The following PARP8 variants were observed in gnomAD, a reference collection of about 807,000 sequenced individuals.
PARP8 encodes the protein protein mono-ADP-ribosyltransferase PARP8.
PARP8 carries 51 observed loss-of-function variants against 124.1 expected under a neutral mutation model. The ratio of observed to expected loss-of-function variants is 0.41; its 90% CI spans 0.33 to 0.52. The LOEUF (loss-of-function observed/expected upper bound fraction) is 0.52. Ranked by LOEUF, PARP8 falls within the 20% of genes least tolerant of loss-of-function variation. The pLI is 0.21. For synonymous variants in PARP8, 391 were observed against 361.5 expected, an observed-to-expected ratio of 1.08 and a Z score of -0.93; for missense variants, 860 against 1,018.9, an observed-to-expected ratio of 0.84 and a Z score of 2.12.
chr5:50,695,966 A>G (rs1261771975), intron 2 of PARP8, among the ~76,000 whole-genome samples: 3 of 152,292 alleles, frequency 2.0e-5, no homozygotes, highest in African/African-American at 7.2e-5. Context: ...GGTGAAAGAA[A>G]TATATGCTCT....
chr5:50,769,704 A>G (rs531679697), intron 7 of PARP8, among the ~76,000 whole-genome samples: 1 of 151,740 alleles, frequency 6.6e-6, no homozygotes, highest in African/African-American at 2.4e-5. Context: ...GCAATATGGG[A>G]AAAACAGCTG....
At chr5:50,688,660 T>G (rs2149456538) in intron 2 of PARP8, among the ~76,000 whole-genome samples, 1 of 152,332 alleles carries the variant, frequency 6.6e-6, no homozygotes, top group East Asian at 1.9e-4. Context: ...AATTCTCATC[T>G]TTATATAGGA....
At chr5:50,687,249 G>A (rs1228768211) in intron 2 of PARP8, among the ~76,000 whole-genome samples, 1 of 152,042 alleles carries the variant, frequency 6.6e-6, no homozygotes, top group Non-Finnish European at 1.5e-5. Context: ...TTTAGGGCAG[G>A]GGCAAAATGC....
At chr5:50,811,239 C>T (rs1561414835) in intron 14 of PARP8, among the ~76,000 whole-genome samples, 2 of 152,002 alleles carry the variant, frequency 1.3e-5, no homozygotes, top group Non-Finnish European at 2.9e-5. Context: ...AGTCAGTTGA[C>T]AAGTCAATAA....
At chr5:50,840,650 T>C (rs1748081014) in intron 25 of PARP8, among the ~76,000 whole-genome samples, 1 of 151,830 alleles carries the variant, frequency 6.6e-6, no homozygotes, top group African/African-American at 2.4e-5. Context: ...GCTGAAATCA[T>C]TGATTTTGCA....
At position 50,709,730 on chromosome 5, in the gene PARP8, A is replaced by C. The variant is rs1580049458; in HGVS notation, c.147-40421A>C. ...TCCACAAAAAAATGCCAGTGTTATT[A>C]AGCCCTGGTACTGTTGCAAAAATAT... is the stretch of plus-strand genomic sequence containing the variant. On this transcript the variant is annotated intron_variant, in intron 2 of 25. Transcript: ENST00000281631. Among the ~76,000 whole-genome samples the C allele has an allele frequency of 5.9e-5, 9 of 151,874 alleles. No individual in the cohort carries two copies. The South Asian group carries it at 1.7e-3, about 28-fold the overall frequency.
At chr5:50,820,146 T>C (rs1745595461) in intron 15 of PARP8, among the ~76,000 whole-genome samples, 1 of 152,182 alleles carries the variant, frequency 6.6e-6, no homozygotes, top group Non-Finnish European at 1.5e-5. Context: ...GATGCTATGA[T>C]TGGGTGGGTG....
intron 2 of PARP8, among the ~76,000 whole-genome samples, chr5:50,718,427 A>G (rs1248303625): frequency 2.0e-5 from 3 of 151,824 alleles, no homozygotes; most frequent in South Asian, 2.1e-4. Flanking sequence ...ATATGTACAC[A>G]TATGTGTGTG....
intron 2 of PARP8, among the ~76,000 whole-genome samples, chr5:50,706,485 A>G (rs1754159817): frequency 6.6e-6 from 1 of 152,132 alleles, no homozygotes; most frequent in Non-Finnish European, 1.5e-5. Context: ...AGGATTGTTA[A>G]TATCAGAAAC....
At chr5:50,734,451 A>G (rs1757287840) in intron 2 of PARP8, among the ~76,000 whole-genome samples, 1 of 152,164 alleles carries the variant, frequency 6.6e-6, no homozygotes, top group Admixed American at 6.5e-5. Flanking sequence ...CATGATAATC[A>G]TATATTTAGT....
At chr5:50,750,426 T>C (rs183714654) in intron 3 of PARP8, among the ~76,000 whole-genome samples, 118 of 152,182 alleles carry the variant, frequency 7.8e-4, no homozygotes, top group African/African-American at 2.8e-3. Context: ...CTATGATAGT[T>C]CCAGCCTGTG....
At chr5:50,738,510 A>G (rs1038926412) in intron 2 of PARP8, among the ~76,000 whole-genome samples, 2 of 152,186 alleles carry the variant, frequency 1.3e-5, no homozygotes, top group African/African-American at 4.8e-5. Flanking sequence ...TTTTAATGCA[A>G]ATAGCTTATA....
intron 2 of PARP8, 118 bp from the exon 3 acceptor site, chr5:50,750,033 G>A (rs1759054119): frequency 1.3e-6 from 1 of 783,470 alleles, no homozygotes. Flanking sequence ...GAAGTTTCCT[G>A]TTTATACTTA....
At chr5:50,684,380 T>G (rs1751623265) in intron 2 of PARP8, among the ~76,000 whole-genome samples, 1 of 152,044 alleles carries the variant, frequency 6.6e-6, no homozygotes, top group Non-Finnish European at 1.5e-5. Flanking sequence ...GCTGATTATA[T>G]AAAACAATAA....
chr5:50,754,150 T>TACACACACACACAC (rs1253764538), intron 3 of PARP8, among the ~76,000 whole-genome samples: 9 of 37,162 alleles, frequency 2.4e-4, no homozygotes, highest in African/African-American at 1.1e-3. Context: ...TATATATATA[T>TACACACACACACAC]ACACACACAC....
intron 2 of PARP8, among the ~76,000 whole-genome samples, chr5:50,749,784 C>CT (rs747140590): frequency 6.6e-6 from 1 of 151,850 alleles, no homozygotes; most frequent in Non-Finnish European, 1.5e-5. Flanking sequence ...AAGAGAAATA[C>CT]TTTTTTGGTA....
rs70972943 is a variant in PARP8, at chr5:50,747,761, C to CTTT, written c.147-2363_147-2361dup. Among the ~76,000 whole-genome samples, 48 of 52,934 alleles carry CTTT rather than the reference C, an allele frequency of 9.1e-4. 14 individuals carry two copies. The highest frequency in any genetic ancestry group is 1.2e-3 in the Non-Finnish European group (26 of 22,496). 34.7% of individuals were successfully genotyped at this position (52,934 alleles called of 152,430 possible). On this transcript the variant is annotated intron_variant, in intron 2 of 25. Transcript: ENST00000281631. ...TCTCTCAAAGATAGGATAGACCTTG[C>CTTT]TTTTTTTTTTTTTTTTTTTTTTTTT... is the stretch of plus-strand genomic sequence containing the variant.
intron 7 of PARP8, among the ~76,000 whole-genome samples, chr5:50,773,742 C>A (rs1761865588): frequency 6.6e-6 from 1 of 151,736 alleles, no homozygotes; most frequent in South Asian, 2.1e-4. Flanking sequence ...GTTGCTTTGG[C>A]TGGAGTATGG....
At chr5:50,791,434 T>TA (rs1741943495) in intron 10 of PARP8, among the ~76,000 whole-genome samples, 1 of 152,172 alleles carries the variant, frequency 6.6e-6, no homozygotes, top group South Asian at 2.1e-4. Context: ...AATCAGTACT[T>TA]ACAACGCATA....
Sources: allele counts gnomAD v4.1 joint callset (sites outside exome capture counted in the v4.1 genomes callset), GRCh38; gene constraint gnomAD v4.1.1; transcripts MANE v1.5; gene names NCBI Gene and HGNC (gene_info 2026-07-23, HGNC 2026-07-21).